The following CFAP410 variants were observed in gnomAD, a reference collection of about 807,000 sequenced individuals.
CFAP410 encodes cilia- and flagella-associated protein 410.
A neutral mutation model predicts 25.7 loss-of-function variants in CFAP410; 27 were observed. That is an observed-to-expected ratio of 1.05 (90% CI 0.77 to 1.45). The LOEUF (loss-of-function observed/expected upper bound fraction) is 1.45, where lower values mean the gene tolerates loss of function less well. Among genes scored for constraint, CFAP410 ranks in the 40% most tolerant of loss-of-function variants. The pLI is 0.00. For missense variants in CFAP410, 428 were observed against 354.1 expected (o/e 1.21, Z -1.67); for synonymous variants, 178 against 158.4 (o/e 1.12, Z -0.93).
At position 44,339,287 on chromosome 21, in the gene CFAP410, C is replaced by A; in HGVS notation, c.-93G>T. On this transcript the variant is annotated 5_prime_UTR_variant, in exon 1 of 7. Transcript: ENST00000339818. ...GGCGCGTGTCTCCAGGGGCGGGGCC[C>A]GCGTCGTCAGGGGCGGATCCTGAGC... 1.3e-6 allele frequency: 1 copy of A among 792,988 alleles called. No individual in the cohort carries two copies. The highest frequency in any genetic ancestry group is 1.8e-6 in the Non-Finnish European group (1 of 553,444). 49.1% of individuals were successfully genotyped at this position (792,988 alleles called of 1,614,324 possible).
At position 44,330,267 on chromosome 21, in the gene CFAP410, G is replaced by A. The variant is rs552686031; in HGVS notation, c.702C>T (p.Ala234=). The stretch of plus-strand genomic sequence containing the variant: ...GCCGGCTGCCCACAGTCTGCTGCAC[G>A]GCCTCCAGCCCCTCTGCATCCAGCT... ...LRELDAEGLE[A]VQQTVGSRLQ... is the part of the protein sequence containing the mutation. Residue 234 remains alanine, a synonymous_variant, in exon 7 of 7, where the codon GCC becomes GCT. Transcript: ENST00000339818. 3.1e-6 allele frequency: 5 copies of A among 1,605,052 alleles called. No homozygotes were observed. Among genetic ancestry groups the A allele is most frequent in the African/African-American group, 2.7e-5 (2 of 74,982 alleles).
At chr21:44,331,644 C>T in intron 5 of CFAP410, 199 bp downstream of exon 5, 2 of 580,382 alleles carry the variant, frequency 3.4e-6, no homozygotes, top group South Asian at 4.6e-5. Context: ...TTGGGCAAAA[C>T]ATGGACCTGC....
At chr21:44,337,748 G>T (rs56242109) in intron 1 of CFAP410, 81 bp from the exon 2 acceptor site, 8 of 1,162,394 alleles carry the variant, frequency 6.9e-6, no homozygotes, top group Non-Finnish European at 1.0e-5. Flanking sequence ...AAAAATCACC[G>T]ATGACTCCCT....
chr21:44,335,890 C>T (rs1468515900), intron 2 of CFAP410, 86 bp from the exon 3 acceptor site: 2 of 1,028,450 alleles, frequency 1.9e-6, no homozygotes, highest in Non-Finnish European at 3.0e-6. Context: ...ACTGTCGAAG[C>T]CACGGCCAAC....
At chr21:44,331,253 G>T (rs907937171) in intron 5 of CFAP410, 2 of 419,902 alleles carry the variant, frequency 4.8e-6, no homozygotes, top group Non-Finnish European at 8.6e-6. Flanking sequence ...ATGGGGTCAG[G>T]CCCTGTGCCG....
chr21:44,330,398 C>G (rs1392118228), intron 6 of CFAP410, 72 bp from the exon 7 acceptor site: 1 of 1,573,504 alleles, frequency 6.4e-7, no homozygotes, highest in Non-Finnish European at 8.7e-7. Context: ...GGGCTGGGGC[C>G]TGGCCAGCGG....
Position 44,339,156 on chromosome 21 carries a change from C to A in CFAP410, c.39G>T (p.Lys13Asn), listed in dbSNP as rs1178025587. 1 of 1,474,552 alleles carries A rather than the reference C, an allele frequency of 6.8e-7. No homozygotes were observed. Among genetic ancestry groups the A allele is most frequent in the South Asian group, 1.3e-5 (1 of 76,424 alleles). 91.3% of individuals were successfully genotyped at this position (1,474,552 alleles called of 1,614,324 possible). A position where few individuals can be genotyped will look rare whatever the true frequency, so the allele number is the denominator to read the frequency against. Residue 13 changes from lysine to asparagine, a missense_variant, in exon 1 of 7, where the codon AAG (lysine) becomes AAT (asparagine). By Grantham distance (94) the Lys-to-Asn change is moderately conservative. Transcript: ENST00000339818. Reference sequence around the variant, plus strand: ...TGCGCACGCTGTGCAGCTCCGAGGCCTTGGCCCGGGTCAGAACCATCTTCC... The same window carrying A: ...TGCGCACGCTGTGCAGCTCCGAGGCATTGGCCCGGGTCAGAACCATCTTCC... ...LTRKMVLTRA[K>N]ASELHSVRKL...
rs2047819002 is a variant in CFAP410, at chr21:44,339,127, A to G, written c.68T>C (p.Leu23Pro). Residue 23 changes from leucine to proline, a missense_variant, in exon 1 of 7, where the codon CTC becomes CCC. Transcript: ENST00000339818. ...KASELHSVRK[L>P]NCWGSRLTDI... is the part of the protein sequence containing the mutation. ...CCAGGCCCCGCCTCACCAGCAGTTG[A>G]GCTTGCGCACGCTGTGCAGCTCCGA... The G allele has an allele frequency of 2.1e-6, 3 of 1,453,748 alleles. No individual in the cohort carries two copies. Among genetic ancestry groups the G allele is most frequent in the Non-Finnish European group, 2.7e-6 (3 of 1,097,584 alleles). The allele number at this position is 1,453,748 out of a possible 1,614,324, so 90.1% of individuals were successfully genotyped here. A position where few individuals can be genotyped will look rare whatever the true frequency, so the allele number is the denominator to read the frequency against.
chr21:44,336,667 C>T (rs1291644552), intron 2 of CFAP410, among the ~76,000 whole-genome samples: 1 of 152,180 alleles, frequency 6.6e-6, no homozygotes, highest in Non-Finnish European at 1.5e-5. Flanking sequence ...ATATTCACTG[C>T]TAAACATGCA....
chr21:44,337,868 T>A (rs758318112), intron 1 of CFAP410, among the ~76,000 whole-genome samples: 9 of 152,212 alleles, frequency 5.9e-5, no homozygotes, highest in Non-Finnish European at 1.0e-4. Flanking sequence ...CTAAACTGTA[T>A]GTTTGACGTT....
chr21:44,334,200 C>T (rs1602082676), intron 3 of CFAP410: 7 of 456,206 alleles, frequency 1.5e-5, no homozygotes, highest in East Asian at 6.9e-5. Flanking sequence ...GCAGGCACCA[C>T]GCACCTGAGC....
intron 3 of CFAP410, chr21:44,334,044 A>G: frequency 2.2e-6 from 1 of 452,342 alleles, no homozygotes; most frequent in Non-Finnish European, 4.5e-6. Context: ...CCTAGCTATG[A>G]GGCCGCCCCA....
At chr21:44,330,372 C>T in intron 6 of CFAP410, 46 bp from the exon 7 acceptor site, 2 of 1,585,156 alleles carry the variant, frequency 1.3e-6, no homozygotes, top group Non-Finnish European at 1.7e-6. Context: ...CACGGCGAGG[C>T]TGCTTCCCTC....
intron 1 of CFAP410, chr21:44,338,218 A>G: frequency 8.4e-7 from 1 of 1,184,928 alleles, no homozygotes; most frequent in Non-Finnish European, 1.1e-6. Context: ...TTTTTAATTA[A>G]CAGGGAAGAG....
At chr21:44,331,374 C>T (rs1032929623) in intron 5 of CFAP410, 9 of 248,868 alleles carry the variant, frequency 3.6e-5, no homozygotes, top group South Asian at 6.7e-5. Flanking sequence ...CAAATGCGTT[C>T]GTGACCCGCT....
chr21:44,338,131 A>G (rs2047788501), intron 1 of CFAP410: 3 of 481,820 alleles, frequency 6.2e-6, no homozygotes, highest in Non-Finnish European at 9.7e-6. Context: ...ATGCAAAACA[A>G]AGAAATGCAT....
chr21:44,332,363 G>A (rs981338311), intron 4 of CFAP410: 19 of 229,500 alleles, frequency 8.3e-5, no homozygotes, highest in African/African-American at 3.6e-4. Context: ...TTTCCCTGAA[G>A]TTTATATTAT....
chr21:44,335,769 C>T lies in CFAP410; in HGVS notation c.132G>A (p.Val44=). Residue 44 remains valine, a synonymous_variant, in exon 3 of 7, where the codon GTG becomes GTA. Transcript: ENST00000339818. ...CAGGAGCGAGGTACCTGAGCGTGATCACCTCCAGGCTGGGCATCTCCTGGC... is the reference window on the plus strand; with the variant it reads ...CAGGAGCGAGGTACCTGAGCGTGATTACCTCCAGGCTGGGCATCTCCTGGC... ...SICQEMPSLE[V]ITLSVNSIST... 1 of 1,591,068 alleles carries T rather than the reference C, an allele frequency of 6.3e-7. No individual in the cohort carries two copies. Among genetic ancestry groups the T allele is most frequent in the Non-Finnish European group, 8.6e-7 (1 of 1,167,960 alleles).
rs1240519728 is a variant in CFAP410 at position 44,330,030 on chromosome 21, G to A, written c.*168C>T. 12 of 701,576 alleles carry A rather than the reference G, an allele frequency of 1.7e-5. No homozygotes were observed. The highest frequency in any genetic ancestry group is 5.6e-5 in the South Asian group (3 of 53,618). The allele number at this position is 701,576 out of a possible 1,614,324, so 43.5% of individuals were successfully genotyped here. A position where few individuals can be genotyped will look rare whatever the true frequency, so the allele number is the denominator to read the frequency against. On this transcript the variant is annotated 3_prime_UTR_variant, in exon 7 of 7. Transcript: ENST00000339818. ...TGTAGACAGGCATCTCCACCGCCCC[G>A]GTTAGCCAGTACCTAACACCCACTC...
Sources: gnomAD v4.1 joint callset for allele counts (sites outside exome capture counted in the v4.1 genomes callset) on GRCh38, gnomAD v4.1.1 for gene constraint, MANE v1.5 for transcripts, NCBI Gene and HGNC (gene_info 2026-07-23, HGNC 2026-07-21) for gene names.